AP2B1: variants seen among roughly 807,000 people sequenced by gnomAD.
The protein encoded by AP2B1 is AP-2 complex subunit beta.
A neutral mutation model predicts 102.0 loss-of-function variants in AP2B1; 23 were observed. That is an observed-to-expected ratio of 0.23 (90% CI 0.16 to 0.32). The LOEUF is 0.32. AP2B1 is among the 10% of genes least tolerant of loss of function. The pLI, the probability that AP2B1 is intolerant of heterozygous loss-of-function variation, is 1.00. For missense variants in AP2B1, 541 were observed against 1,157.4 expected (o/e 0.47, Z 7.73); for synonymous variants, 381 against 421.2 (o/e 0.90, Z 1.17).
intron 14 of AP2B1, among the ~76,000 whole-genome samples, chr17:35,659,235 A>G (rs923312503): frequency 6.6e-6 from 1 of 152,306 alleles, no homozygotes; most frequent in African/African-American, 2.4e-5. Flanking sequence ...TAAATATTGC[A>G]TCCTCCTCAA....
At chr17:35,710,907 A>T in intron 20 of AP2B1, among the ~76,000 whole-genome samples, 1 of 152,098 alleles carries the variant, frequency 6.6e-6, no homozygotes, top group East Asian at 1.9e-4. Context: ...ATCTCTATAA[A>T]AGAAAAAAAA....
At chr17:35,698,909 T>G (rs969176924) in intron 18 of AP2B1, among the ~76,000 whole-genome samples, 1 of 152,246 alleles carries the variant, frequency 6.6e-6, no homozygotes, top group Non-Finnish European at 1.5e-5. Flanking sequence ...TTTGACAGTT[T>G]AATCCAAAGT....
intron 3 of AP2B1, among the ~76,000 whole-genome samples, chr17:35,604,013 CT>C (rs1305355777): frequency 6.6e-6 from 1 of 152,184 alleles, no homozygotes; most frequent in Non-Finnish European, 1.5e-5. Context: ...ACTAAGTGAT[CT>C]TCCACGAATG....
In AP2B1 at chr17:35,671,868, A is replaced by C. The variant is rs2075595451; in HGVS notation, c.2146A>C (p.Met716Leu). The change falls in exon 16 of 22, where the codon ATG becomes CTG. Residue 716 changes from methionine (M) to leucine (L), a missense_variant. This residue lies in a region of AP2B1 where 62 missense variants were observed against 87.6 expected (regional missense o/e 0.71). Coordinates refer to ENST00000610402, the MANE Select transcript of AP2B1 (RefSeq NM_001030006.2). Reference sequence around the variant, plus strand: ...GTTTGAACTCTCCACAGGGATAGGCATGGCACCTGGTGGATATGTGGCTCC... The same window carrying C: ...GTTTGAACTCTCCACAGGGATAGGCCTGGCACCTGGTGGATATGTGGCTCC... Reference protein sequence around the residue: ...DLFELSTGIGMAPGGYVAPKA... With the variant: ...DLFELSTGIGLAPGGYVAPKA... 1 of 1,614,110 alleles carries C rather than the reference A, an allele frequency of 6.2e-7. No homozygotes were observed. Among genetic ancestry groups the C allele is most frequent in the African/African-American group, 1.3e-5 (1 of 75,038 alleles).
At chr17:35,697,279 T>A (rs1031242710) in intron 18 of AP2B1, among the ~76,000 whole-genome samples, 4 of 152,248 alleles carry the variant, frequency 2.6e-5, no homozygotes, top group African/African-American at 9.6e-5. Flanking sequence ...TAATGGACCC[T>A]GTTTTCAAAA....
At chr17:35,683,691 A>T (rs375027251) in intron 18 of AP2B1, among the ~76,000 whole-genome samples, 2 of 152,224 alleles carry the variant, frequency 1.3e-5, no homozygotes, top group African/African-American at 4.8e-5. Flanking sequence ...GGCAACATGA[A>T]GGCAGAGCAG....
At chr17:35,605,916 G>A in intron 4 of AP2B1, 76 bp downstream of exon 4, 1 of 1,554,338 alleles carries the variant, frequency 6.4e-7, no homozygotes, top group South Asian at 1.3e-5. Flanking sequence ...AAGGAGTGTA[G>A]GGAAGTGTTG....
At chr17:35,633,913 G>A (rs533388591) in intron 9 of AP2B1, among the ~76,000 whole-genome samples, 4 of 152,286 alleles carry the variant, frequency 2.6e-5, no homozygotes, top group South Asian at 4.1e-4. Context: ...TTGGGAGGCC[G>A]AGGCGGGCGG....
intron 3 of AP2B1, among the ~76,000 whole-genome samples, 165 bp downstream of exon 3, chr17:35,598,500 C>T (rs1328664164): frequency 6.6e-6 from 1 of 152,128 alleles, no homozygotes; most frequent in Non-Finnish European, 1.5e-5. Context: ...TATTAATGCT[C>T]TACTTTTTGT....
intron 5 of AP2B1, among the ~76,000 whole-genome samples, chr17:35,610,963 T>G (rs1489869393): frequency 6.7e-6 from 1 of 150,070 alleles, no homozygotes; most frequent in Non-Finnish European, 1.5e-5. Flanking sequence ...TAATTCCAGG[T>G]ACTTGGGAGG....
At chr17:35,615,078 A>G (rs757383361) in intron 5 of AP2B1, among the ~76,000 whole-genome samples, 3 of 152,166 alleles carry the variant, frequency 2.0e-5, no homozygotes, top group Non-Finnish European at 4.4e-5. Flanking sequence ...CCCGACAACA[A>G]AGAATTATCC....
chr17:35,646,178 C>G (rs1375010645), intron 12 of AP2B1, among the ~76,000 whole-genome samples: 4 of 152,168 alleles, frequency 2.6e-5, no homozygotes, highest in Non-Finnish European at 5.9e-5. Flanking sequence ...TGAGGAAGGC[C>G]TATGGGTCTA....
At chr17:35,623,643 C>A (rs574988932) in intron 5 of AP2B1, among the ~76,000 whole-genome samples, 3 of 152,114 alleles carry the variant, frequency 2.0e-5, no homozygotes, top group African/African-American at 7.2e-5. Flanking sequence ...TCCTATTGAA[C>A]TGACAGGCCA....
chr17:35,640,346 C>G (rs1301147215), intron 11 of AP2B1, among the ~76,000 whole-genome samples: 5 of 151,122 alleles, frequency 3.3e-5, no homozygotes, highest in African/African-American at 1.2e-4. Context: ...AGGCGATTCT[C>G]CCACCTCAGC....
chr17:35,639,554 A>AGTT, intron 10 of AP2B1, 41 bp from the exon 11 acceptor site: 2 of 1,558,104 alleles, frequency 1.3e-6, no homozygotes, highest in Non-Finnish European at 1.7e-6. Flanking sequence ...ATTAGTTCTT[A>AGTT]GTTTTGCCCT....
chr17:35,596,828 G>A (rs1255905911), intron 2 of AP2B1: 2 of 661,634 alleles, frequency 3.0e-6, no homozygotes, highest in Non-Finnish European at 5.6e-6. Flanking sequence ...GGCCCCGCAG[G>A]CGCTGCCCCA....
intron 14 of AP2B1, among the ~76,000 whole-genome samples, chr17:35,664,946 G>A (rs1163333234): frequency 6.6e-6 from 1 of 151,982 alleles, no homozygotes; most frequent in African/African-American, 2.4e-5. Context: ...CTTTTCCACT[G>A]ATAGAAGCCT....
intron 13 of AP2B1, among the ~76,000 whole-genome samples, chr17:35,656,268 T>TAGGGGGCCAGGGGGCCAGGGGGCC (rs11272639): frequency 6.6e-6 from 1 of 151,870 alleles, no homozygotes; most frequent in Non-Finnish European, 1.5e-5. Flanking sequence ...TTGTGAACCA[T>TAGGGGGCCAGGGGGCCAGGGGGCC]AGGGGGCCAA....
At chr17:35,721,538 T>C (rs1555593175) in intron 21 of AP2B1, among the ~76,000 whole-genome samples, 1 of 151,318 alleles carries the variant, frequency 6.6e-6, no homozygotes, top group African/African-American at 2.4e-5. Flanking sequence ...GGTGGGGAGG[T>C]GTGGATATTA....
Sources: allele counts gnomAD v4.1 joint callset (sites outside exome capture counted in the v4.1 genomes callset), GRCh38; gene constraint gnomAD v4.1.1; regional missense constraint gnomAD v4.1.1; transcripts MANE v1.5; gene names NCBI Gene and HGNC (gene_info 2026-07-23, HGNC 2026-07-21).